Variants in COL6A3 observed in about 807,000 individuals in gnomAD.
COL6A3 encodes collagen type VI alpha 3 chain.
COL6A3 carries 137 observed loss-of-function variants against 274.1 expected under a neutral mutation model. The ratio of observed to expected loss-of-function variants is 0.50; its 90% confidence interval spans 0.44 to 0.58. The LOEUF is 0.58. COL6A3 is among the 20% of genes least tolerant of loss of function. The pLI, the probability that COL6A3 is intolerant of heterozygous loss-of-function variation, is 0.00. For synonymous variants in COL6A3, 1,650 were observed against 1,650.6 expected, an observed-to-expected ratio of 1.00 and a Z score of 0.01; for missense variants, 3,950 against 4,124.9, an observed-to-expected ratio of 0.96 and a Z score of 1.16.
rs765522665 is a variant in COL6A3 at position 237,376,946 on chromosome 2, T to C, written c.2896A>G (p.Ser966Gly). The C allele has an allele frequency of 6.2e-7, 1 of 1,614,230 alleles. No individual in the cohort carries two copies. Among genetic ancestry groups the C allele is most frequent in the Non-Finnish European group, 8.5e-7 (1 of 1,180,038 alleles). ...VDGPASNLKQSGVVPFIFQAK... is the reference protein window; with the variant it reads ...VDGPASNLKQGGVVPFIFQAK... The stretch of plus-strand genomic sequence containing the variant: ...TGGAAGATGAAAGGCACAACCCCAC[T>C]CTGCTTCAGGTTACTTGCTGGCCCA... The change falls in exon 7 of 44, where the codon AGT becomes GGT. Residue 966 changes from serine (S) to glycine (G), a missense_variant. Coordinates refer to ENST00000295550, the MANE Select transcript of COL6A3 (RefSeq NM_004369.4).
chr2:237,357,215 C>T, intron 23 of COL6A3, 123 bp downstream of exon 23: 2 of 866,826 alleles, frequency 2.3e-6, no homozygotes, highest in Non-Finnish European at 4.0e-6. Flanking sequence ...ACAACCGTTT[C>T]AGAAATCCTT....
At chr2:237,381,541 C>A in intron 4 of COL6A3, 42 bp from the exon 5 acceptor site, 1 of 1,439,546 alleles carries the variant, frequency 6.9e-7, no homozygotes, top group South Asian at 1.2e-5. Flanking sequence ...ATGGCCTTAC[C>A]AAGCACAATC....
rs187794916 is a variant in COL6A3, at chr2:237,366,668, T to C, written c.5500+19A>G. 7.9e-5 allele frequency: 127 copies of C among 1,614,200 alleles called. No homozygotes were observed. In the African/African-American group the frequency reaches 1.5e-3, roughly 19 times the overall value. On this transcript the variant is annotated intron_variant, in intron 11 of 43. Coordinates refer to ENST00000295550, the MANE Select transcript of COL6A3 (RefSeq NM_004369.4). The stretch of plus-strand genomic sequence containing the variant: ...TGTCAACAGGAAAGGATGGAAAATA[T>C]GCACATAATGGGAGTTACCTTTGGC...
rs771602562 is a variant in COL6A3 at position 237,363,280 on chromosome 2, G to A, written c.6036C>T (p.Asp2012=). The part of the protein sequence containing the change: ...YDRPLRLNLL[D]LDYELAEQLD... The stretch of plus-strand genomic sequence containing the variant: ...GCTGCTCCGCTAGTTCATAATCCAA[G>A]TCCAGCAAGTTAAGCCTCAGGGGCC... The change falls in exon 14 of 44, where the codon GAC becomes GAT. Residue 2012 remains aspartate, a synonymous_variant. Coordinates refer to ENST00000295550, the MANE Select transcript of COL6A3 (RefSeq NM_004369.4). 2 of 1,613,704 alleles carry A rather than the reference G, an allele frequency of 1.2e-6. No individual in the cohort carries two copies. Among genetic ancestry groups the A allele is most frequent in the African/African-American group, 2.7e-5 (2 of 74,792 alleles).
Position 237,372,232 on chromosome 2 carries a change from A to G in COL6A3, c.3785T>C (p.Leu1262Pro). 2 of 1,614,104 alleles carry G rather than the reference A, an allele frequency of 1.2e-6. No homozygotes were observed. The highest frequency in any genetic ancestry group is 1.7e-6 in the Non-Finnish European group (2 of 1,180,034). ...RTLIERLVDY[L>P]DVGFDTTRVA... The stretch of plus-strand genomic sequence containing the variant: ...CCGGGTGGTGTCAAAGCCCACGTCC[A>G]GGTAGTCAACCAGCCTCTCTATGAG... Residue 1262 changes from leucine to proline, a missense_variant, in exon 9 of 44, where the codon CTG becomes CCG. This residue lies in a region of COL6A3 where 1,934 missense variants were observed against 1,984.3 expected (regional missense o/e 0.97). Transcript: ENST00000295550.
intron 4 of COL6A3, among the ~76,000 whole-genome samples, chr2:237,386,946 C>T (rs2078158164): frequency 6.6e-6 from 1 of 152,026 alleles, no homozygotes; most frequent in African/African-American, 2.4e-5. Context: ...GGCTGTTTTG[C>T]CAAAGGCCCT....
chr2:237,353,484 G>A, intron 24 of COL6A3, 81 bp from the exon 25 acceptor site: 1 of 1,294,668 alleles, frequency 7.7e-7, no homozygotes, highest in East Asian at 2.3e-5. Context: ...TCATTTCTGG[G>A]CCAGGGACTT....
chr2:237,344,570 T>G lies in COL6A3; in HGVS notation c.7448A>C (p.Lys2483Thr). 3 of 1,614,190 alleles carry G rather than the reference T, an allele frequency of 1.9e-6. No individual in the cohort carries two copies. Among genetic ancestry groups the G allele is most frequent in the Non-Finnish European group, 1.7e-6 (2 of 1,180,024 alleles). ...IKNLQVALTS[K>T]QQSLETAMSF... is the part of the protein sequence containing the mutation. The stretch of plus-strand genomic sequence containing the variant: ...CATGGCAGTCTCCAGACTCTGCTGT[T>G]TGGATGTCAGAGCCACCTGAAGGTT... The change falls in exon 36 of 44, where the codon AAA becomes ACA. Residue 2483 changes from lysine (K) to threonine (T), a missense_variant. Coordinates refer to ENST00000295550, the MANE Select transcript of COL6A3 (RefSeq NM_004369.4). This position sits in a 1 kb window ranked among gnomAD's most constrained non-coding sequence, Gnocchi z 4.8.
chr2:237,351,416 C>A (rs544575775), intron 26 of COL6A3, among the ~76,000 whole-genome samples: 1 of 152,382 alleles, frequency 6.6e-6, no homozygotes, highest in East Asian at 1.9e-4. Flanking sequence ...AGTATTACCT[C>A]TCAGTGCCAG....
chr2:237,347,741 G>T, intron 31 of COL6A3, 66 bp downstream of exon 31: 2 of 1,457,864 alleles, frequency 1.4e-6, no homozygotes, highest in Non-Finnish European at 9.5e-7. Flanking sequence ...CAAAGCCTCA[G>T]CAGTTAATCA....
intron 4 of COL6A3, among the ~76,000 whole-genome samples, chr2:237,385,601 G>A (rs573342847): frequency 1.3e-5 from 2 of 152,066 alleles, no homozygotes; most frequent in Non-Finnish European, 2.9e-5. Context: ...TTGCATCGTC[G>A]GTGTCTGCAA....
intron 16 of COL6A3, among the ~76,000 whole-genome samples, chr2:237,360,842 G>T (rs897622304): frequency 6.6e-6 from 1 of 152,064 alleles, no homozygotes; most frequent in Non-Finnish European, 1.5e-5. Context: ...AGTAGATACT[G>T]GGTGTGCAAA....
At chr2:237,394,054 T>C (rs1376800938) in intron 3 of COL6A3, among the ~76,000 whole-genome samples, 2 of 152,170 alleles carry the variant, frequency 1.3e-5, no homozygotes, top group African/African-American at 4.8e-5. Context: ...CCAAAATCAA[T>C]CTAGACTGGA....
chr2:237,400,316 G>A (rs2078557842), intron 1 of COL6A3, among the ~76,000 whole-genome samples: 1 of 152,132 alleles, frequency 6.6e-6, no homozygotes, highest in East Asian at 1.9e-4. Context: ...AACTCCAAAT[G>A]CTTACAGATT....
intron 7 of COL6A3, among the ~76,000 whole-genome samples, chr2:237,376,125 C>A (rs753040706): frequency 6.6e-6 from 1 of 152,174 alleles, no homozygotes; most frequent in Non-Finnish European, 1.5e-5. Flanking sequence ...GTCGGAGTTA[C>A]CATCCCAAGC....
chr2:237,336,020 A>C, intron 40 of COL6A3, 115 bp downstream of exon 40: 12 of 1,335,592 alleles, frequency 9.0e-6, no homozygotes, highest in Non-Finnish European at 1.3e-5. Flanking sequence ...CCAGGTGTAC[A>C]AGCCCAGATC....
At chr2:237,376,104 G>A (rs4366853) in intron 7 of COL6A3, among the ~76,000 whole-genome samples, 4,832 of 152,200 alleles carry the variant, frequency 0.032, 254 homozygotes, top group African/African-American at 0.11. Flanking sequence ...GGGAGGAAAC[G>A]GAACCCAGAT....
intron 4 of COL6A3, 95 bp downstream of exon 4, chr2:237,387,487 C>A: frequency 6.3e-7 from 1 of 1,585,212 alleles, no homozygotes; most frequent in Non-Finnish European, 8.6e-7. Context: ...ACAGCTTCTC[C>A]CGTGGCGAAT....
At chr2:237,325,441 C>T (rs1391061276) in intron 43 of COL6A3, 119 bp downstream of exon 43, 15 of 1,150,418 alleles carry the variant, frequency 1.3e-5, no homozygotes, top group Admixed American at 5.2e-5. Context: ...TCTGAGGATA[C>T]ACTTTATCTT....
Sources: gnomAD v4.1 joint callset for allele counts (sites outside exome capture counted in the v4.1 genomes callset) on GRCh38, gnomAD v4.1.1 for gene constraint, gnomAD v4.1.1 regional missense constraint, Gnocchi (gnomAD v3.1) non-coding constraint, MANE v1.5 for transcripts, NCBI Gene and HGNC (gene_info 2026-07-23, HGNC 2026-07-21) for gene names.